ARHGAP35: variants seen among roughly 807,000 people sequenced by gnomAD.
The protein encoded by ARHGAP35 is Rho GTPase activating protein 35.
A neutral mutation model predicts 111.1 loss-of-function variants in ARHGAP35; 15 were observed. The observed-to-expected ratio is 0.13, with a 90% CI of 0.09 to 0.21. ARHGAP35 has a LOEUF of 0.21. Ranked by LOEUF, ARHGAP35 falls within the 10% of genes least tolerant of loss-of-function variation. The probability of loss-of-function intolerance (pLI) is 1.00; values close to 1 mark genes in which losing one functional copy is unlikely to be tolerated. For missense variants in ARHGAP35, 1,262 were observed against 1,873.0 expected (o/e 0.67, Z 6.02); for synonymous variants, 643 against 710.3 (o/e 0.91, Z 1.51).
At chr19:46,983,129 C>T (rs978058359) in intron 3 of ARHGAP35, among the ~76,000 whole-genome samples, 1 of 146,774 alleles carries the variant, frequency 6.8e-6, no homozygotes, top group African/African-American at 2.5e-5. Flanking sequence ...AACTCTGTGG[C>T]TGGAGCCCCC....
chr19:46,901,137 T>C lies in ARHGAP35; in HGVS notation c.-188-17351T>C, dbSNP rs1283299079. 6.6e-6 allele frequency among the ~76,000 whole-genome samples: 1 copy of C among 152,156 alleles called. No individual in the cohort carries two copies. The highest frequency in any genetic ancestry group is 1.5e-5 in the Non-Finnish European group (1 of 68,036). ...TTGCTCAGTAATTTTCATTGAATGA[T>C]TGAATGGGCGAATGAGAATAAATAA... is the stretch of plus-strand genomic sequence containing the variant. On this transcript the variant is annotated intron_variant, in intron 1 of 6. Transcript: ENST00000672722. The surrounding 1 kb of genome is among the most constrained non-coding windows in gnomAD (Gnocchi z 4.5).
At position 46,994,800 on chromosome 19, in the gene ARHGAP35, C is replaced by T. The variant is rs1336796926; in HGVS notation, c.4037-4504C>T. Among the ~76,000 whole-genome samples, 2 of 152,210 alleles carry T rather than the reference C, an allele frequency of 1.3e-5. No homozygotes were observed. The highest frequency in any genetic ancestry group is 2.9e-5 in the Non-Finnish European group (2 of 68,030). ...GGCAGGAGCGGGTCCCCGTAAATAT[C>T]TGCTCCTCCCACCCACTGCGGATGA... On this transcript the variant is annotated intron_variant, in intron 5 of 6. Coordinates refer to ENST00000672722, the MANE Select transcript of ARHGAP35 (RefSeq NM_004491.5). This position sits in a 1 kb window ranked among gnomAD's most constrained non-coding sequence, Gnocchi z 5.4.
chr19:46,919,179 G>A lies in ARHGAP35; in HGVS notation c.504G>A (p.Arg168=), dbSNP rs200894233. 110 of 1,613,928 alleles carry A rather than the reference G, an allele frequency of 6.8e-5. No individual in the cohort carries two copies. The African/African-American group carries it at 1.1e-3, about 17-fold the overall frequency. ...TTCTTCTTGGTATTGATGTTAGCAG[G>A]GGCATGAATAGGAACTTTGATGACC... is the stretch of plus-strand genomic sequence containing the variant. ...DGFLLGIDVS[R]GMNRNFDDQL... Residue 168 remains arginine (R), a synonymous_variant, in exon 2 of 7, where the codon AGG becomes AGA. Coordinates refer to ENST00000672722, the MANE Select transcript of ARHGAP35 (RefSeq NM_004491.5). This position sits in a 1 kb window ranked among gnomAD's most constrained non-coding sequence, Gnocchi z 6.2.
chr19:46,957,034 T>C (rs186869984), intron 3 of ARHGAP35, among the ~76,000 whole-genome samples: 317 of 144,724 alleles, frequency 2.2e-3, no homozygotes, highest in Non-Finnish European at 3.7e-3. Flanking sequence ...ATCTCTCGGC[T>C]CACTGCAACC....
At position 46,986,180 on chromosome 19, in the gene ARHGAP35, C is replaced by A. The variant is rs2056648894; in HGVS notation, c.3827-1809C>A. 6.6e-6 allele frequency among the ~76,000 whole-genome samples: 1 copy of A among 152,162 alleles called. No homozygotes were observed. The highest frequency in any genetic ancestry group is 2.4e-5 in the African/African-American group (1 of 41,430). On this transcript the variant is annotated intron_variant, in intron 3 of 6. Coordinates refer to ENST00000672722, the MANE Select transcript of ARHGAP35 (RefSeq NM_004491.5). This position sits in a 1 kb window ranked among gnomAD's most constrained non-coding sequence, Gnocchi z 4.3. ...TCAGTTTTCACAGTGACTTCACTGTCCTTTCGACAAAGTCCTTGAGATCTT... is the reference window on the plus strand; with the variant it reads ...TCAGTTTTCACAGTGACTTCACTGTACTTTCGACAAAGTCCTTGAGATCTT...
At chr19:46,867,368 C>T (rs777826764) in intron 1 of ARHGAP35, among the ~76,000 whole-genome samples, 10 of 152,172 alleles carry the variant, frequency 6.6e-5, no homozygotes, top group Admixed American at 5.2e-4. Context: ...ATGATGCCCT[C>T]GTCCTGGCCA....
intron 1 of ARHGAP35, among the ~76,000 whole-genome samples, chr19:46,883,367 C>T (rs2055974461): frequency 6.6e-6 from 1 of 151,992 alleles, no homozygotes; most frequent in South Asian, 2.1e-4. Flanking sequence ...TCTCAAAGTG[C>T]TGGGATTACA....
intron 1 of ARHGAP35, among the ~76,000 whole-genome samples, chr19:46,872,555 G>A (rs1213301100): frequency 1.3e-5 from 2 of 152,022 alleles, no homozygotes; most frequent in Non-Finnish European, 2.9e-5. Flanking sequence ...TGAAGGTAAG[G>A]CATTCACCCT....
At chr19:46,950,037 G>A (rs1429338946) in intron 3 of ARHGAP35, among the ~76,000 whole-genome samples, 1 of 152,130 alleles carries the variant, frequency 6.6e-6, no homozygotes, top group Non-Finnish European at 1.5e-5. Flanking sequence ...AACAGAAGAC[G>A]GCCACCCCCA....
At chr19:46,867,359 T>C (rs1457007426) in intron 1 of ARHGAP35, among the ~76,000 whole-genome samples, 1 of 152,256 alleles carries the variant, frequency 6.6e-6, no homozygotes, top group African/African-American at 2.4e-5. Context: ...CTTACTTGGA[T>C]GATGCCCTCG....
intron 1 of ARHGAP35, among the ~76,000 whole-genome samples, chr19:46,875,749 A>G (rs767680770): frequency 6.6e-6 from 1 of 152,170 alleles, no homozygotes; most frequent in African/African-American, 2.4e-5. Flanking sequence ...TAAAATGTTC[A>G]GGTAAGCGAG....
At chr19:46,967,607 T>C (rs2056522794) in intron 3 of ARHGAP35, among the ~76,000 whole-genome samples, 1 of 152,214 alleles carries the variant, frequency 6.6e-6, no homozygotes, top group South Asian at 2.1e-4. Flanking sequence ...TCACTTCATC[T>C]TCACCTGCTT....
chr19:46,980,245 C>G (rs1008944200), intron 3 of ARHGAP35, among the ~76,000 whole-genome samples: 1 of 152,018 alleles, frequency 6.6e-6, no homozygotes, highest in Non-Finnish European at 1.5e-5. Flanking sequence ...ATTAGCCAAG[C>G]GTGATGGTGG....
chr19:46,864,812 A>C (rs943911300), intron 1 of ARHGAP35, among the ~76,000 whole-genome samples: 1 of 152,182 alleles, frequency 6.6e-6, no homozygotes, highest in Non-Finnish European at 1.5e-5. Context: ...TTCTGAATTT[A>C]TCTTAGAGTT....
At chr19:46,977,446 A>T (rs539696840) in intron 3 of ARHGAP35, among the ~76,000 whole-genome samples, 1 of 152,274 alleles carries the variant, frequency 6.6e-6, no homozygotes, top group East Asian at 1.9e-4. Context: ...GAGAACAAAC[A>T]CTTGAGTCGC....
intron 3 of ARHGAP35, among the ~76,000 whole-genome samples, chr19:46,941,799 A>G (rs566575742): frequency 9.4e-4 from 98 of 104,536 alleles, no homozygotes; most frequent in Non-Finnish European, 1.7e-3. Context: ...GCCTTAAGCC[A>G]TCCTCCCACC....
chr19:46,969,585 C>T (rs1006993432), intron 3 of ARHGAP35, among the ~76,000 whole-genome samples: 1 of 152,188 alleles, frequency 6.6e-6, no homozygotes, highest in African/African-American at 2.4e-5. Context: ...GCATCCAGCC[C>T]GCGTGAGCTG....
intron 1 of ARHGAP35, among the ~76,000 whole-genome samples, chr19:46,891,660 C>T (rs777428777): frequency 3.9e-5 from 6 of 151,984 alleles, no homozygotes; most frequent in Admixed American, 6.6e-5. Context: ...CTCTTGACAT[C>T]GTGATCTGCC....
At chr19:46,888,310 ATATATAT>A (rs2056005450) in intron 1 of ARHGAP35, among the ~76,000 whole-genome samples, 14 of 64,412 alleles carry the variant, frequency 2.2e-4, no homozygotes, top group African/African-American at 3.5e-4. Flanking sequence ...ATATATATAT[ATATATAT>A]AAAATATTGA....
Sources: allele counts gnomAD v4.1 joint callset (sites outside exome capture counted in the v4.1 genomes callset), GRCh38; gene constraint gnomAD v4.1.1; non-coding constraint Gnocchi (gnomAD v3.1); transcripts MANE v1.5; gene names NCBI Gene and HGNC (gene_info 2026-07-23, HGNC 2026-07-21).